RAB5A: variants seen among roughly 807,000 people sequenced by gnomAD.
The protein encoded by RAB5A is RAB5A, member RAS oncogene family.
In RAB5A, 8 loss-of-function variants were observed where a neutral mutation model predicts 25.7. The ratio of observed to expected loss-of-function variants is 0.31; its 90% confidence interval spans 0.18 to 0.56. The LOEUF is 0.56. Ranked by LOEUF, RAB5A falls within the 20% of genes least tolerant of loss-of-function variation. The pLI is 0.91. For missense variants in RAB5A, 192 were observed against 259.7 expected (o/e 0.74, Z 1.79); for synonymous variants, 98 against 89.8 (o/e 1.09, Z -0.52).
chr3:19,959,599 T>A (rs1361598873), intron 2 of RAB5A, among the ~76,000 whole-genome samples: 1 of 151,282 alleles, frequency 6.6e-6, no homozygotes, highest in African/African-American at 2.4e-5. Context: ...TTACTCTTCT[T>A]TTGCTAGCTT....
chr3:19,958,025 T>C (rs935338013), intron 2 of RAB5A, among the ~76,000 whole-genome samples: 1 of 152,220 alleles, frequency 6.6e-6, no homozygotes. Flanking sequence ...ATGACTTCTT[T>C]GTATAATTAT....
At chr3:19,969,544 G>A (rs1305633574) in intron 2 of RAB5A, among the ~76,000 whole-genome samples, 1 of 152,128 alleles carries the variant, frequency 6.6e-6, no homozygotes, top group Non-Finnish European at 1.5e-5. Context: ...ATCCATTGTA[G>A]AAATTTTTCT....
At chr3:19,959,795 T>G (rs1559487401) in intron 2 of RAB5A, among the ~76,000 whole-genome samples, 1 of 151,848 alleles carries the variant, frequency 6.6e-6, no homozygotes, top group Non-Finnish European at 1.5e-5. Context: ...CCTGGCTAAT[T>G]TTGAAATTTT....
At chr3:19,973,220 GGTCCTGGAAACA>G (rs1412437666) in intron 2 of RAB5A, among the ~76,000 whole-genome samples, 1 of 152,066 alleles carries the variant, frequency 6.6e-6, no homozygotes, top group African/African-American at 2.4e-5. Context: ...TATATGGGGA[GGTCCTGGAAACA>G]GTCCTCCACA....
At chr3:19,957,438 G>A (rs1383193772) in intron 2 of RAB5A, among the ~76,000 whole-genome samples, 8 of 151,576 alleles carry the variant, frequency 5.3e-5, no homozygotes, top group African/African-American at 1.9e-4. Flanking sequence ...AGGCCAAAGT[G>A]GTCAGATCGC....
At chr3:19,969,050 T>TG (rs1559490158) in intron 2 of RAB5A, among the ~76,000 whole-genome samples, 9 of 141,634 alleles carry the variant, frequency 6.4e-5, no homozygotes, top group Admixed American at 2.8e-4. Context: ...TTTTGGTTTT[T>TG]TTTTTTTTTT....
chr3:19,954,430 A>G (rs1696469496), intron 2 of RAB5A, among the ~76,000 whole-genome samples: 1 of 152,238 alleles, frequency 6.6e-6, no homozygotes, highest in Non-Finnish European at 1.5e-5. Flanking sequence ...ATCATATGTT[A>G]CACTCTTGAT....
intron 2 of RAB5A, among the ~76,000 whole-genome samples, chr3:19,974,236 C>T (rs1696790831): frequency 6.6e-6 from 1 of 151,472 alleles, no homozygotes; most frequent in Non-Finnish European, 1.5e-5. Flanking sequence ...CTCACTGCAA[C>T]CTCTGCCTCA....
intron 1 of RAB5A, among the ~76,000 whole-genome samples, chr3:19,948,314 A>G (rs1470796522): frequency 2.0e-5 from 3 of 152,198 alleles, no homozygotes; most frequent in Admixed American, 1.3e-4. Context: ...CTTTCACATA[A>G]TAAGAAAAAA....
intron 2 of RAB5A, among the ~76,000 whole-genome samples, chr3:19,968,616 G>T (rs933194093): frequency 6.6e-6 from 1 of 152,058 alleles, no homozygotes; most frequent in African/African-American, 2.4e-5. Context: ...GTGCCACCAT[G>T]CCCAGCTAAT....
chr3:19,949,585 G>C (rs918824507), intron 1 of RAB5A, among the ~76,000 whole-genome samples: 6 of 152,134 alleles, frequency 3.9e-5, no homozygotes, highest in Admixed American at 2.0e-4. Context: ...TAATATATTA[G>C]CATGTATTCG....
rs1029926225 is a variant in RAB5A at position 19,966,837 on chromosome 3, C to T, written c.164-8764C>T. On this transcript the variant is annotated intron_variant, in intron 2 of 5. Transcript: ENST00000273047. ...TCGGTTTTTTTGAAATAGGGTCTCA[C>T]TCTGTCACCCAGACTGGAGTGCAGT... 4.6e-5 allele frequency among the ~76,000 whole-genome samples: 7 copies of T among 152,208 alleles called. No individual in the cohort carries two copies. The East Asian group carries it at 1.4e-3, about 29-fold the overall frequency.
At chr3:19,975,158 G>A (rs541800553) in intron 2 of RAB5A, among the ~76,000 whole-genome samples, 8 of 151,564 alleles carry the variant, frequency 5.3e-5, no homozygotes, top group Non-Finnish European at 8.8e-5. Flanking sequence ...CCCGGGAGGC[G>A]GAGGTTGCAG....
chr3:19,959,922 G>A (rs1295036744), intron 2 of RAB5A, among the ~76,000 whole-genome samples: 1 of 152,116 alleles, frequency 6.6e-6, no homozygotes, highest in African/African-American at 2.4e-5. Flanking sequence ...ACCGCGCTAG[G>A]CTGTGTTCTG....
chr3:19,961,854 G>C (rs1276288458), intron 2 of RAB5A, among the ~76,000 whole-genome samples: 1 of 152,146 alleles, frequency 6.6e-6, no homozygotes, highest in Middle Eastern at 3.2e-3. Flanking sequence ...CAGATGTACT[G>C]TAATACACTT....
intron 2 of RAB5A, among the ~76,000 whole-genome samples, chr3:19,963,368 C>T (rs1696616705): frequency 1.2e-4 from 4 of 32,510 alleles, no homozygotes; most frequent in African/African-American, 3.2e-4. Context: ...AATTTCACCC[C>T]CCCCCCCCCC....
In RAB5A at chr3:19,982,775, A is replaced by G. The variant is rs76093457; in HGVS notation, c.533-933A>G. Among the ~76,000 whole-genome samples, 369 of 152,058 alleles carry G rather than the reference A, an allele frequency of 2.4e-3. 1 individual carries two copies. Among genetic ancestry groups the G allele is most frequent in the Non-Finnish European group, 4.0e-3 (274 of 67,968 alleles). ...AGACCTTGTCTCTTAAAAAAAAAAA[A>G]AAAGAGAGCATGTATATAGATGTTT... On this transcript the variant is annotated intron_variant, in intron 5 of 5. Coordinates refer to ENST00000273047, the MANE Select transcript of RAB5A (RefSeq NM_004162.5).
intron 2 of RAB5A, among the ~76,000 whole-genome samples, chr3:19,972,088 T>G (rs1281763270): frequency 6.6e-6 from 1 of 151,946 alleles, no homozygotes; most frequent in Non-Finnish European, 1.5e-5. Context: ...ATCAATATGA[T>G]GTCACAAGTG....
At chr3:19,957,255 CAGAG>C (rs1696517134) in intron 2 of RAB5A, among the ~76,000 whole-genome samples, 1 of 152,006 alleles carries the variant, frequency 6.6e-6, no homozygotes, top group Admixed American at 6.6e-5. Flanking sequence ...GGAAGTTTCT[CAGAG>C]GGAGAAATTA....
Sources: gnomAD v4.1 joint callset for allele counts (sites outside exome capture counted in the v4.1 genomes callset) on GRCh38, gnomAD v4.1.1 for gene constraint, MANE v1.5 for transcripts, NCBI Gene and HGNC (gene_info 2026-07-23, HGNC 2026-07-21) for gene names.